Variants in RBFOX1 observed in about 807,000 individuals in gnomAD.
RBFOX1 encodes RNA binding fox-1 homolog 1.
RBFOX1 carries 8 observed loss-of-function variants against 57.7 expected under a neutral mutation model. That is an observed-to-expected ratio of 0.14 (90% CI 0.08 to 0.25). The LOEUF is 0.25. Ranked by LOEUF, RBFOX1 falls within the 10% of genes least tolerant of loss-of-function variation. RBFOX1 has a pLI of 1.00. For missense variants in RBFOX1, 611 were observed against 548.5 expected, an observed-to-expected ratio of 1.11 and a Z score of -1.14; for synonymous variants, 326 against 222.4, an observed-to-expected ratio of 1.47 and a Z score of -4.15.
At chr16:6,062,664 CATAG>C (rs1318288212) in intron 1 of RBFOX1, among the ~76,000 whole-genome samples, 1 of 148,622 alleles carries the variant, frequency 6.7e-6, no homozygotes, top group Non-Finnish European at 1.5e-5. Flanking sequence ...TGTATCTATA[CATAG>C]ATATATATCT....
intron 14 of RBFOX1, among the ~76,000 whole-genome samples, chr16:7,689,800 C>G (rs560317310): frequency 5.9e-5 from 9 of 152,174 alleles, no homozygotes; most frequent in Admixed American, 4.6e-4. Context: ...AGGAAGAACT[C>G]AAATACCAAG....
chr16:5,714,970 T>C (rs561194231), intron 3 of RBFOX1, among the ~76,000 whole-genome samples: 59 of 152,320 alleles, frequency 3.9e-4, no homozygotes, highest in South Asian at 8.3e-4. Flanking sequence ...CTTCCAGTTG[T>C]GTTGAGTTGA....
At chr16:6,141,909 AT>A (rs2096718801) in intron 1 of RBFOX1, among the ~76,000 whole-genome samples, 1 of 151,780 alleles carries the variant, frequency 6.6e-6, no homozygotes, top group African/African-American at 2.4e-5. Context: ...AAATATAAAA[AT>A]TAGCCAGGTA....
At chr16:6,081,396 C>T (rs1156680932) in intron 1 of RBFOX1, among the ~76,000 whole-genome samples, 1 of 152,106 alleles carries the variant, frequency 6.6e-6, no homozygotes, top group Non-Finnish European at 1.5e-5. Flanking sequence ...TGTCGGATGC[C>T]TGGGAATGTG....
At chr16:6,836,758 C>G (rs1180260108) in intron 3 of RBFOX1, among the ~76,000 whole-genome samples, 4 of 152,068 alleles carry the variant, frequency 2.6e-5, no homozygotes, top group Non-Finnish European at 5.9e-5. Context: ...AAGTATAACA[C>G]CAGTTCATTA....
At chr16:7,392,207 C>A (rs1337551061) in intron 4 of RBFOX1, among the ~76,000 whole-genome samples, 2 of 152,184 alleles carry the variant, frequency 1.3e-5, no homozygotes, top group Non-Finnish European at 2.9e-5. Context: ...CAGACCTCTG[C>A]CTACATGTCC....
Position 6,811,191 on chromosome 16 carries a change from A to G in RBFOX1, c.-16+156541A>G, listed in dbSNP as rs144958265. ...AAGTGATATGAGAGTTTGGAAAATA[A>G]TTGAAGAGACCTGCCTTTGCAGGAA... On this transcript the variant is annotated intron_variant, in intron 3 of 15. Transcript: ENST00000550418. Among the ~76,000 whole-genome samples, 959 of 152,338 alleles carry G rather than the reference A, an allele frequency of 6.3e-3. 13 individuals carry two copies. Among genetic ancestry groups the G allele is most frequent in the African/African-American group, 0.021 (874 of 41,566 alleles).
chr16:6,506,972 G>A (rs1425879307), intron 2 of RBFOX1, among the ~76,000 whole-genome samples: 2 of 152,126 alleles, frequency 1.3e-5, no homozygotes, highest in Non-Finnish European at 2.9e-5. Flanking sequence ...TCTTTAGTGT[G>A]GGATTTCTTT....
intron 3 of RBFOX1, among the ~76,000 whole-genome samples, chr16:6,859,253 T>C (rs1282702211): frequency 1.4e-5 from 2 of 147,354 alleles, no homozygotes; most frequent in Non-Finnish European, 3.0e-5. Flanking sequence ...TGATTCTGAC[T>C]CTTTATAAAA....
At chr16:5,939,465 A>G (rs1350020536) in intron 4 of RBFOX1, among the ~76,000 whole-genome samples, 1 of 152,202 alleles carries the variant, frequency 6.6e-6, no homozygotes, top group Admixed American at 6.5e-5. Context: ...GGCTTTTGGC[A>G]AAATTCCTGT....
At chr16:7,010,873 G>A (rs373808110) in intron 3 of RBFOX1, among the ~76,000 whole-genome samples, 15 of 152,096 alleles carry the variant, frequency 9.9e-5, no homozygotes, top group African/African-American at 2.7e-4. Flanking sequence ...CACTGCTCCC[G>A]GCCCACATCT....
chr16:7,428,901 C>T (rs1271496587), intron 4 of RBFOX1, among the ~76,000 whole-genome samples: 3 of 152,048 alleles, frequency 2.0e-5, no homozygotes, highest in Non-Finnish European at 4.4e-5. Context: ...TAGTGAGTGA[C>T]ACTACTCACA....
At chr16:7,709,969 T>C in intron 15 of RBFOX1, 2 of 1,008,128 alleles carry the variant, frequency 2.0e-6, no homozygotes, top group Non-Finnish European at 2.4e-6. Flanking sequence ...TTCATTTGAA[T>C]TGCCAATACT....
chr16:5,502,517 G>A (rs1015598514), intron 2 of RBFOX1, among the ~76,000 whole-genome samples: 9 of 152,158 alleles, frequency 5.9e-5, no homozygotes, highest in Non-Finnish European at 1.3e-4. Flanking sequence ...GGGTCTGGCT[G>A]GAGACCTGCC....
chr16:5,967,071 C>G (rs2059860629), intron 4 of RBFOX1, among the ~76,000 whole-genome samples: 1 of 148,872 alleles, frequency 6.7e-6, no homozygotes, highest in South Asian at 2.1e-4. Context: ...ACAGCCATGA[C>G]CGCTCATTTA....
At chr16:6,179,348 C>T (rs1474478153) in intron 1 of RBFOX1, among the ~76,000 whole-genome samples, 4 of 152,158 alleles carry the variant, frequency 2.6e-5, no homozygotes, top group Non-Finnish European at 4.4e-5. Flanking sequence ...CCCATATCAC[C>T]TGTGTCCGCA....
chr16:6,542,522 C>A (rs537552520), intron 2 of RBFOX1, among the ~76,000 whole-genome samples: 77 of 97,688 alleles, frequency 7.9e-4, no homozygotes, highest in African/African-American at 2.9e-3. Flanking sequence ...AGGAGTCTTG[C>A]TCTGTCACCC....
At chr16:7,349,358 C>T (rs968646009) in intron 4 of RBFOX1, among the ~76,000 whole-genome samples, 6 of 152,230 alleles carry the variant, frequency 3.9e-5, no homozygotes, top group South Asian at 2.1e-4. Flanking sequence ...TAAGTGACTT[C>T]GCTTTCTCTC....
chr16:7,540,624 A>G (rs912035845), intron 5 of RBFOX1, among the ~76,000 whole-genome samples: 2 of 152,186 alleles, frequency 1.3e-5, no homozygotes, highest in African/African-American at 4.8e-5. Context: ...TCATGGACAT[A>G]AAAGATGTCC....
Sources: allele counts gnomAD v4.1 joint callset (sites outside exome capture counted in the v4.1 genomes callset), GRCh38; gene constraint gnomAD v4.1.1; transcripts MANE v1.5; gene names NCBI Gene and HGNC (gene_info 2026-07-23, HGNC 2026-07-21).